The following PCDHGA12 variants were observed in gnomAD, a reference collection of about 807,000 sequenced individuals.
The protein encoded by PCDHGA12 is protocadherin gamma-A12.
Under a neutral mutation model 61.1 loss-of-function variants are expected in PCDHGA12, and 43 were observed. The observed-to-expected ratio is 0.70, with a 90% CI of 0.55 to 0.91. PCDHGA12 has a LOEUF of 0.91. Ranked by LOEUF, PCDHGA12 falls within the 40% of genes least tolerant of loss-of-function variation. PCDHGA12 has a pLI of 0.00. For synonymous variants in PCDHGA12, 520 were observed against 542.9 expected, an observed-to-expected ratio of 0.96 and a Z score of 0.59; for missense variants, 1,236 against 1,227.7, an observed-to-expected ratio of 1.01 and a Z score of -0.10.
At chr5:141,499,029 A>AAGGAAGGAAGGAAGG (rs1562187768) in intron 2 of PCDHGA12, among the ~76,000 whole-genome samples, 10 of 139,968 alleles carry the variant, frequency 7.1e-5, no homozygotes, top group African/African-American at 2.8e-4. Context: ...AGGAAGGAAG[A>AAGGAAGGAAGGAAGG]AAAGAAAGAA....
At chr5:141,451,018 C>T (rs1307161489) in intron 1 of PCDHGA12, among the ~76,000 whole-genome samples, 7 of 151,264 alleles carry the variant, frequency 4.6e-5, no homozygotes, top group African/African-American at 1.5e-4. Flanking sequence ...TTAGTAGAGA[C>T]GAGGTTTCAC....
chr5:141,443,064 G>A (rs76234738), intron 1 of PCDHGA12, among the ~76,000 whole-genome samples: 48 of 152,264 alleles, frequency 3.2e-4, no homozygotes, highest in African/African-American at 1.1e-3. Context: ...ACTGAAGAGC[G>A]TCTTATGACT....
At chr5:141,457,820 C>CTCAG (rs2098930320) in intron 1 of PCDHGA12, among the ~76,000 whole-genome samples, 1 of 152,198 alleles carries the variant, frequency 6.6e-6, no homozygotes, top group African/African-American at 2.4e-5. Flanking sequence ...CCAAGATAAA[C>CTCAG]TCAGAGCTTC....
chr5:141,430,659 G>A lies in PCDHGA12; in HGVS notation c.-101G>A. ...CTGGGAGTATGTGGAAACAACGGAG[G>A]AGCTCTGACTTCCCAACTGTCCCAT... On this transcript the variant is annotated 5_prime_UTR_variant, in exon 1 of 4. Transcript: ENST00000252085. The A allele has an allele frequency of 9.0e-7, 1 of 1,110,600 alleles. No homozygotes were observed. The highest frequency in any genetic ancestry group is 1.2e-6 in the Non-Finnish European group (1 of 803,308). The allele number at this position is 1,110,600 out of a possible 1,614,324, so 68.8% of individuals were successfully genotyped here. A position where few individuals can be genotyped will look rare whatever the true frequency, so the allele number is the denominator to read the frequency against.
chr5:141,480,381 C>T (rs1018981416), intron 1 of PCDHGA12, among the ~76,000 whole-genome samples: 2 of 151,926 alleles, frequency 1.3e-5, no homozygotes, highest in Non-Finnish European at 2.9e-5. Context: ...CACCACTACA[C>T]TTCAACCATG....
In PCDHGA12 at chr5:141,485,985, T is replaced by C. The variant is rs748867624; in HGVS notation, c.2425-8822T>C. 5.6e-6 allele frequency: 9 copies of C among 1,614,086 alleles called. No homozygotes were observed. Among genetic ancestry groups the C allele is most frequent in the South Asian group, 5.5e-5 (5 of 91,094 alleles). On this transcript the variant is annotated intron_variant, in intron 1 of 3. Coordinates refer to ENST00000252085, the MANE Select transcript of PCDHGA12 (RefSeq NM_003735.3). The surrounding 1 kb of genome is among the most constrained non-coding windows in gnomAD (Gnocchi z 5.7). ...CAGCTCAATGCCTCAGACCCGGACC[T>C]GGGTCCCAGTGGTAACGTCACCTTT...
chr5:141,501,706 T>TA (rs2099810629), intron 2 of PCDHGA12, among the ~76,000 whole-genome samples: 1 of 152,094 alleles, frequency 6.6e-6, no homozygotes, highest in South Asian at 2.1e-4. Flanking sequence ...ATTCCGAGGA[T>TA]AAAAAAGACA....
chr5:141,455,738 A>G (rs896060095), intron 1 of PCDHGA12, among the ~76,000 whole-genome samples: 2 of 152,140 alleles, frequency 1.3e-5, no homozygotes, highest in Non-Finnish European at 2.9e-5. Flanking sequence ...TTGCATATCA[A>G]AGGTTGCTGG....
rs2098995125 is a variant in PCDHGA12 at position 141,460,673 on chromosome 5, A to G, written c.2424+27490A>G. 2.6e-5 allele frequency among the ~76,000 whole-genome samples: 4 copies of G among 152,244 alleles called. No homozygotes were observed. The South Asian group carries it at 8.3e-4, about 32-fold the overall frequency. On this transcript the variant is annotated intron_variant, in intron 1 of 3. Coordinates refer to ENST00000252085, the MANE Select transcript of PCDHGA12 (RefSeq NM_003735.3). ...CATATGTAACTGTAAACACAGTTAT[A>G]TATCTATATATCCACCAACAGTTGA... is the stretch of plus-strand genomic sequence containing the variant.
At chr5:141,457,393 T>G (rs1299068071) in intron 1 of PCDHGA12, among the ~76,000 whole-genome samples, 1 of 152,228 alleles carries the variant, frequency 6.6e-6, no homozygotes, top group African/African-American at 2.4e-5. Flanking sequence ...AGCATATTGA[T>G]TCACATTTTC....
intron 2 of PCDHGA12, 103 bp from the exon 3 acceptor site, chr5:141,505,290 G>A: frequency 3.2e-6 from 5 of 1,564,680 alleles, no homozygotes; most frequent in Non-Finnish European, 4.3e-6. Context: ...TTGGGCATGG[G>A]GTAGGGTTAG....
chr5:141,481,724 C>T (rs1301509633), intron 1 of PCDHGA12, among the ~76,000 whole-genome samples: 2 of 151,882 alleles, frequency 1.3e-5, no homozygotes. Context: ...GAGGCGGAGG[C>T]GGGCGGATCA....
Position 141,476,369 on chromosome 5 carries a change from G to A in PCDHGA12, c.2425-18438G>A, listed in dbSNP as rs1178923246. 1.9e-6 allele frequency: 3 copies of A among 1,614,098 alleles called. No homozygotes were observed. The African/African-American group carries it at 4.0e-5, about 22-fold the overall frequency. ...CTTTGAGGTGAACCGGGAGACCGGA[G>A]AGATGTTTGTGAACGACCGTCTGGA... On this transcript the variant is annotated intron_variant, in intron 1 of 3. Transcript: ENST00000252085. This position sits in a 1 kb window ranked among gnomAD's most constrained non-coding sequence, Gnocchi z 7.6.
Position 141,491,757 on chromosome 5 carries a change from C to G in PCDHGA12, c.2425-3050C>G. ...CTGGGGGCGGCACTGGAGAAGCCGC[C>G]CGTCCTCATAAGGGATTGAACTTGC... On this transcript the variant is annotated intron_variant, in intron 1 of 3. Coordinates refer to ENST00000252085, the MANE Select transcript of PCDHGA12 (RefSeq NM_003735.3). This position sits in a 1 kb window ranked among gnomAD's most constrained non-coding sequence, Gnocchi z 6.9. 1 of 1,580,374 alleles carries G rather than the reference C, an allele frequency of 6.3e-7. No individual in the cohort carries two copies. The highest frequency in any genetic ancestry group is 1.9e-5 in the Admixed American group (1 of 53,534).
chr5:141,489,913 A>G lies in PCDHGA12; in HGVS notation c.2425-4894A>G. 1 of 1,614,208 alleles carries G rather than the reference A, an allele frequency of 6.2e-7. No homozygotes were observed. Among genetic ancestry groups the G allele is most frequent in the Non-Finnish European group, 8.5e-7 (1 of 1,180,044 alleles). Reference sequence around the variant, plus strand: ...TGGGGGGACCCCAGCCCGCTCAGGGACCACCCTTATCTCTGTCATCGTGCT... The same window carrying G: ...TGGGGGGACCCCAGCCCGCTCAGGGGCCACCCTTATCTCTGTCATCGTGCT... On this transcript the variant is annotated intron_variant, in intron 1 of 3. Transcript: ENST00000252085. The surrounding 1 kb of genome is among the most constrained non-coding windows in gnomAD (Gnocchi z 4.5).
At chr5:141,470,858 TTTTG>T (rs775688955) in intron 1 of PCDHGA12, among the ~76,000 whole-genome samples, 79 of 151,956 alleles carry the variant, frequency 5.2e-4, no homozygotes, top group Non-Finnish European at 3.5e-4. Context: ...CAGATAAGTT[TTTTG>T]TTTGTTTGTT....
chr5:141,464,063 A>G (rs893270944), intron 1 of PCDHGA12, among the ~76,000 whole-genome samples: 2 of 152,016 alleles, frequency 1.3e-5, no homozygotes, highest in Non-Finnish European at 2.9e-5. Flanking sequence ...TCAGGAGTTC[A>G]AGGCCAGCCT....
At chr5:141,478,117 C>T (rs1419172538) in intron 1 of PCDHGA12, 2 of 1,614,058 alleles carry the variant, frequency 1.2e-6, no homozygotes, top group East Asian at 4.5e-5. Flanking sequence ...TGTCAGTAAC[C>T]GAGGACTCTC....
intron 3 of PCDHGA12, among the ~76,000 whole-genome samples, chr5:141,506,198 C>T (rs985517638): frequency 3.3e-5 from 5 of 152,156 alleles, no homozygotes; most frequent in Admixed American, 6.5e-5. Context: ...CGCCTGTAAT[C>T]CCAGCACTTT....
Sources: gnomAD v4.1 joint callset for allele counts (sites outside exome capture counted in the v4.1 genomes callset) on GRCh38, gnomAD v4.1.1 for gene constraint, Gnocchi (gnomAD v3.1) non-coding constraint, MANE v1.5 for transcripts, NCBI Gene and HGNC (gene_info 2026-07-23, HGNC 2026-07-21) for gene names.